FMNL2: variants seen among roughly 807,000 people sequenced by gnomAD.
The protein encoded by FMNL2 is formin-like protein 2.
In FMNL2, 51 loss-of-function variants were observed where a neutral mutation model predicts 130.2. That is an observed-to-expected ratio of 0.39 (90% CI 0.31 to 0.49). The LOEUF (loss-of-function observed/expected upper bound fraction) is 0.49, where lower values mean the gene tolerates loss of function less well. Among genes scored for constraint, FMNL2 ranks in the 20% least tolerant of loss-of-function variants. FMNL2 has a pLI of 0.85. For missense variants in FMNL2, 977 were observed against 1,316.2 expected (o/e 0.74, Z 3.99); for synonymous variants, 465 against 467.1 (o/e 1.00, Z 0.06).
intron 1 of FMNL2, among the ~76,000 whole-genome samples, chr2:152,459,245 C>T (rs894841597): frequency 3.9e-5 from 6 of 152,152 alleles, no homozygotes; most frequent in African/African-American, 1.4e-4. Context: ...ACTAGTTCTT[C>T]TTGATGACTG....
At chr2:152,580,100 C>T (rs74536270) in intron 8 of FMNL2, among the ~76,000 whole-genome samples, 1 of 152,144 alleles carries the variant, frequency 6.6e-6, no homozygotes, top group Non-Finnish European at 1.5e-5. Context: ...CCTAAGTAGC[C>T]ATGCTTCTGT....
chr2:152,408,359 T>G (rs1346703192), intron 1 of FMNL2, among the ~76,000 whole-genome samples: 3 of 152,230 alleles, frequency 2.0e-5, no homozygotes, highest in Non-Finnish European at 4.4e-5. Context: ...TGAGTAAGCT[T>G]TGTCAATTGG....
intron 1 of FMNL2, among the ~76,000 whole-genome samples, chr2:152,466,274 G>T (rs1689531414): frequency 6.6e-6 from 1 of 152,212 alleles, no homozygotes. Flanking sequence ...CCCCTGATGG[G>T]TCTGGGCTGC....
chr2:152,377,141 T>C (rs1176949328), intron 1 of FMNL2, among the ~76,000 whole-genome samples: 1 of 152,254 alleles, frequency 6.6e-6, no homozygotes, highest in African/African-American at 2.4e-5. Context: ...GTAAAGAACC[T>C]GTCACAGTGG....
intron 9 of FMNL2, among the ~76,000 whole-genome samples, chr2:152,600,489 G>A (rs965255358): frequency 6.6e-6 from 1 of 152,182 alleles, no homozygotes; most frequent in East Asian, 1.9e-4. Flanking sequence ...GGACAGAGAG[G>A]TGGCTGAAGT....
At chr2:152,544,243 A>G (rs753103366) in intron 3 of FMNL2, among the ~76,000 whole-genome samples, 5 of 152,080 alleles carry the variant, frequency 3.3e-5, no homozygotes. Context: ...CCCTGTCTCT[A>G]CTAAAACTAC....
intron 2 of FMNL2, among the ~76,000 whole-genome samples, chr2:152,523,900 A>T (rs1693244414): frequency 6.6e-6 from 1 of 152,210 alleles, no homozygotes; most frequent in South Asian, 2.1e-4. Flanking sequence ...TGTTGAATGA[A>T]AGAAATAATG....
At chr2:152,390,358 T>C (rs1301876380) in intron 1 of FMNL2, 2 of 1,099,816 alleles carry the variant, frequency 1.8e-6, no homozygotes, top group African/African-American at 3.1e-5. Flanking sequence ...GATGGCAAGG[T>C]GGTGACTGTG....
chr2:152,497,793 G>A (rs1691593214), intron 1 of FMNL2, among the ~76,000 whole-genome samples: 1 of 152,122 alleles, frequency 6.6e-6, no homozygotes, highest in Non-Finnish European at 1.5e-5. Flanking sequence ...TGGGTTAGTC[G>A]GGTTTTCTGC....
intron 7 of FMNL2, among the ~76,000 whole-genome samples, chr2:152,575,479 CTCTTTGGTT>C (rs1310972518): frequency 9.5e-4 from 144 of 151,944 alleles, no homozygotes; most frequent in African/African-American, 3.3e-3. Flanking sequence ...AGATTTTGTT[CTCTTTGGTT>C]TCTTTGTATT....
chr2:152,616,625 T>G (rs2105886204), intron 12 of FMNL2, among the ~76,000 whole-genome samples: 1 of 152,092 alleles, frequency 6.6e-6, no homozygotes, highest in Non-Finnish European at 1.5e-5. Context: ...GCAACCAACT[T>G]TTATTACTTG....
At chr2:152,390,679 C>T (rs1207606716) in intron 1 of FMNL2, 2 of 780,038 alleles carry the variant, frequency 2.6e-6, no homozygotes, top group African/African-American at 1.7e-5. Flanking sequence ...GAGCTACAAC[C>T]ATCCAACCTT....
intron 9 of FMNL2, among the ~76,000 whole-genome samples, chr2:152,604,207 T>G (rs191414793): frequency 6.6e-6 from 1 of 151,066 alleles, no homozygotes; most frequent in East Asian, 2.0e-4. Context: ...TATATGGGCA[T>G]TCTGGGCTAT....
In FMNL2 at chr2:152,640,060, A is replaced by G. The variant is rs533653099; in HGVS notation, c.3045+4A>G. ...GATGGAGCAGCAGGATCCAAAGGTA[A>G]GAAGTGCCGCACTCATGAGACAGGT... On this transcript the variant is annotated splice_donor_region_variant and intron_variant, in intron 24 of 25. Coordinates refer to ENST00000288670, the MANE Select transcript of FMNL2 (RefSeq NM_052905.4). 2 of 1,548,598 alleles carry G rather than the reference A, an allele frequency of 1.3e-6. No homozygotes were observed. The highest frequency in any genetic ancestry group is 1.7e-6 in the Non-Finnish European group (2 of 1,146,418).
intron 1 of FMNL2, among the ~76,000 whole-genome samples, chr2:152,391,668 G>A (rs371083016): frequency 4.0e-5 from 6 of 151,590 alleles, no homozygotes; most frequent in African/African-American, 1.2e-4. Flanking sequence ...CATATTTCCC[G>A]ATAGGGGTTT....
intron 1 of FMNL2, among the ~76,000 whole-genome samples, chr2:152,476,238 A>G (rs1449395281): frequency 6.6e-6 from 1 of 152,214 alleles, no homozygotes; most frequent in African/African-American, 2.4e-5. Context: ...TGGCTTTAAA[A>G]CACCAGCTCT....
intron 1 of FMNL2, among the ~76,000 whole-genome samples, chr2:152,340,747 A>G (rs939930338): frequency 1.3e-5 from 2 of 152,148 alleles, no homozygotes; most frequent in Non-Finnish European, 2.9e-5. Flanking sequence ...GCTGGAGTGC[A>G]GTGGTGCAAT....
At chr2:152,646,650 A>C (rs1683599463) in intron 25 of FMNL2, among the ~76,000 whole-genome samples, 1 of 152,112 alleles carries the variant, frequency 6.6e-6, no homozygotes, top group Non-Finnish European at 1.5e-5. Context: ...CTGCATTTTC[A>C]ACTTGTTGAG....
In FMNL2 at chr2:152,345,364, T is replaced by G. The variant is rs79093154; in HGVS notation, c.117+9644T>G. Among the ~76,000 whole-genome samples, 645 of 152,268 alleles carry G rather than the reference T, an allele frequency of 4.2e-3. 1 individual carries two copies. The highest frequency in any genetic ancestry group is 0.015 in the African/African-American group (614 of 41,556). ...TTGAATAAAAAAGGAATAACATTCT[T>G]TTTTTTATTGGCATAGAAGGAAGCA... On this transcript the variant is annotated intron_variant, in intron 1 of 25. Coordinates refer to ENST00000288670, the MANE Select transcript of FMNL2 (RefSeq NM_052905.4).
Sources: gnomAD v4.1 joint callset for allele counts (sites outside exome capture counted in the v4.1 genomes callset) on GRCh38, gnomAD v4.1.1 for gene constraint, MANE v1.5 for transcripts, NCBI Gene and HGNC (gene_info 2026-07-23, HGNC 2026-07-21) for gene names.